PCDH15: variants seen among roughly 807,000 people sequenced by gnomAD.
PCDH15 encodes protocadherin-15.
A neutral mutation model predicts 178.5 loss-of-function variants in PCDH15; 129 were observed. That is an observed-to-expected ratio of 0.72 (90% CI 0.63 to 0.84). The LOEUF (loss-of-function observed/expected upper bound fraction) is 0.84. PCDH15 is among the 40% of genes least tolerant of loss of function. The pLI is 0.00. For missense variants in PCDH15, 2,230 were observed against 2,099.9 expected (o/e 1.06, Z -1.21); for synonymous variants, 800 against 732.0 (o/e 1.09, Z -1.50).
intron 1 of PCDH15, among the ~76,000 whole-genome samples, chr10:55,186,357 T>G (rs1839799707): frequency 6.6e-6 from 1 of 151,292 alleles, no homozygotes; most frequent in South Asian, 2.1e-4. Flanking sequence ...AAAAAACCAA[T>G]TGAACTGTTT....
At chr10:54,404,744 A>G (rs1400075616) in intron 3 of PCDH15, among the ~76,000 whole-genome samples, 1 of 151,328 alleles carries the variant, frequency 6.6e-6, no homozygotes, top group Non-Finnish European at 1.5e-5. Flanking sequence ...ATTCTTACAA[A>G]CTATGCATTT....
At chr10:54,231,502 C>T (rs2134314118) in intron 9 of PCDH15, among the ~76,000 whole-genome samples, 1 of 152,326 alleles carries the variant, frequency 6.6e-6, no homozygotes, top group Non-Finnish European at 1.5e-5. Flanking sequence ...GGTGGGAGCC[C>T]CCACACAGAG....
At chr10:55,581,018 G>T (rs962433189) in intron 2 of PCDH15, among the ~76,000 whole-genome samples, 2 of 152,088 alleles carry the variant, frequency 1.3e-5, no homozygotes, top group Non-Finnish European at 2.9e-5. Flanking sequence ...CTCTGAAGAT[G>T]CAACTTAATC....
intron 2 of PCDH15, among the ~76,000 whole-genome samples, chr10:55,016,421 C>A (rs1042211497): frequency 6.6e-6 from 1 of 152,040 alleles, no homozygotes; most frequent in African/African-American, 2.4e-5. Flanking sequence ...CCTTCCCCAG[C>A]CCCCGGTAAC....
At chr10:54,431,885 A>G (rs969412949) in intron 3 of PCDH15, among the ~76,000 whole-genome samples, 12 of 152,140 alleles carry the variant, frequency 7.9e-5, no homozygotes, top group African/African-American at 2.9e-4. Flanking sequence ...ATCTATTAGA[A>G]CTGATAAACA....
intron 1 of PCDH15, among the ~76,000 whole-genome samples, chr10:54,731,563 TACACACACACACACACACACAC>T (rs1159070523): frequency 1.4e-3 from 69 of 49,820 alleles, no homozygotes; most frequent in Non-Finnish European, 2.3e-3. Context: ...TATATATATA[TACACACACACACACACACACAC>T]ACACACACAT....
At chr10:54,810,060 A>G (rs559939319) in intron 3 of PCDH15, among the ~76,000 whole-genome samples, 25 of 152,238 alleles carry the variant, frequency 1.6e-4, no homozygotes, top group South Asian at 6.2e-4. Flanking sequence ...CTTTTGTTCA[A>G]TGTTTCTCAA....
At chr10:54,285,040 TAACTC>T (rs373275416) in intron 8 of PCDH15, among the ~76,000 whole-genome samples, 46 of 152,290 alleles carry the variant, frequency 3.0e-4, no homozygotes, top group East Asian at 2.3e-3. Context: ...CCAAGAAACT[TAACTC>T]AATAAAATTT....
intron 2 of PCDH15, among the ~76,000 whole-genome samples, chr10:54,925,781 G>T (rs1022201345): frequency 6.6e-6 from 1 of 152,092 alleles, no homozygotes; most frequent in African/African-American, 2.4e-5. Flanking sequence ...AGTGATTTTT[G>T]TATGTTTATT....
At chr10:54,829,487 T>G (rs2133749485) in intron 3 of PCDH15, among the ~76,000 whole-genome samples, 1 of 152,174 alleles carries the variant, frequency 6.6e-6, no homozygotes, top group Non-Finnish European at 1.5e-5. Context: ...TAGCAGATAA[T>G]ACTACACTTA....
At chr10:54,535,917 A>G (rs1190393949) in intron 2 of PCDH15, among the ~76,000 whole-genome samples, 5 of 152,142 alleles carry the variant, frequency 3.3e-5, no homozygotes, top group Non-Finnish European at 7.4e-5. Flanking sequence ...CTTTGTATTC[A>G]TACATAATTC....
At chr10:54,987,763 C>G (rs1839408193) in intron 2 of PCDH15, among the ~76,000 whole-genome samples, 1 of 150,350 alleles carries the variant, frequency 6.7e-6, no homozygotes, top group Admixed American at 6.6e-5. Context: ...GATATAAGAA[C>G]TTTTTCACCT....
chr10:55,160,982 A>G (rs1371713488), intron 2 of PCDH15, among the ~76,000 whole-genome samples: 1 of 152,114 alleles, frequency 6.6e-6, no homozygotes, highest in Non-Finnish European at 1.5e-5. Context: ...CTCATGTGGC[A>G]TTAATATCAC....
chr10:53,911,771 A>G (rs1046046876), intron 25 of PCDH15, among the ~76,000 whole-genome samples: 2 of 152,206 alleles, frequency 1.3e-5, no homozygotes, highest in African/African-American at 4.8e-5. Flanking sequence ...GAATAGACCA[A>G]TAACAGGCTC....
At chr10:54,273,958 A>C (rs2058196413) in intron 8 of PCDH15, among the ~76,000 whole-genome samples, 1 of 152,098 alleles carries the variant, frequency 6.6e-6, no homozygotes, top group South Asian at 2.1e-4. Context: ...TGCAGCTATA[A>C]AAAAGAACAA....
At chr10:54,398,854 C>T (rs531644203) in intron 3 of PCDH15, among the ~76,000 whole-genome samples, 29 of 152,138 alleles carry the variant, frequency 1.9e-4, no homozygotes, top group Non-Finnish European at 3.2e-4. Context: ...AAACTAGACA[C>T]TGCTAAAATG....
At chr10:54,795,886 T>C (rs1378126997) in intron 1 of PCDH15, among the ~76,000 whole-genome samples, 2 of 151,944 alleles carry the variant, frequency 1.3e-5, no homozygotes, top group Non-Finnish European at 1.5e-5. Context: ...AGGATGATGA[T>C]GATGATAAGT....
chr10:54,345,647 C>T lies in PCDH15; in HGVS notation c.594+718G>A, dbSNP rs560506737. ...AAATCTTCTTGTCTATTTGGGAGGC[C>T]GAGGCAGGCGGATCACGAGGTCAGG... is the stretch of plus-strand genomic sequence containing the variant. On this transcript the variant is annotated intron_variant, in intron 6 of 37. Transcript: ENST00000644397. Among the ~76,000 whole-genome samples the T allele has an allele frequency of 2.1e-3, 322 of 150,772 alleles. 4 individuals carry two copies. Among genetic ancestry groups the T allele is most frequent in the African/African-American group, 7.2e-3 (297 of 41,182 alleles).
intron 3 of PCDH15, chr10:54,452,644 C>T (rs572321943): frequency 8.6e-5 from 13 of 151,846 alleles, no homozygotes; most frequent in African/African-American, 3.1e-4. Flanking sequence ...GTCTTCCATT[C>T]TAGAGCTGAT....
Sources: gnomAD v4.1 joint callset for allele counts (sites outside exome capture counted in the v4.1 genomes callset) on GRCh38, gnomAD v4.1.1 for gene constraint, MANE v1.5 for transcripts, NCBI Gene and HGNC (gene_info 2026-07-23, HGNC 2026-07-21) for gene names.